SLC39A10: variants seen among roughly 807,000 people sequenced by gnomAD.
The protein encoded by SLC39A10 is solute carrier family 39 member 10.
In SLC39A10, 13 loss-of-function variants were observed where a neutral mutation model predicts 65.1. The observed-to-expected ratio is 0.20, with a 90% CI of 0.13 to 0.32. The LOEUF is 0.32. Ranked by LOEUF, SLC39A10 falls within the 10% of genes least tolerant of loss-of-function variation. The probability of loss-of-function intolerance (pLI) is 1.00; values close to 1 mark genes in which losing one functional copy is unlikely to be tolerated. For missense variants in SLC39A10, 831 were observed against 1,018.4 expected (o/e 0.82, Z 2.50); for synonymous variants, 321 against 342.2 (o/e 0.94, Z 0.68).
intron 8 of SLC39A10, among the ~76,000 whole-genome samples, chr2:195,724,204 A>ATTGGATCTCATTAG (rs1692151541): frequency 6.6e-6 from 1 of 152,174 alleles, no homozygotes; most frequent in Non-Finnish European, 1.5e-5. Flanking sequence ...CATCTGTAGC[A>ATTGGATCTCATTAG]TTGGATCTCA....
intron 2 of SLC39A10, among the ~76,000 whole-genome samples, chr2:195,630,667 G>A (rs1416061658): frequency 6.6e-6 from 1 of 152,188 alleles, no homozygotes; most frequent in Non-Finnish European, 1.5e-5. Context: ...TTATGAACCG[G>A]GAACCATGGA....
At chr2:195,704,828 T>TA (rs1246825777) in intron 3 of SLC39A10, among the ~76,000 whole-genome samples, 2 of 152,006 alleles carry the variant, frequency 1.3e-5, no homozygotes, top group African/African-American at 4.8e-5. Flanking sequence ...GATAGGGTCT[T>TA]ACTTTGTCAC....
intron 1 of SLC39A10, chr2:195,657,637 G>A (rs1574228315): frequency 1.0e-6 from 1 of 985,250 alleles, no homozygotes; most frequent in Non-Finnish European, 1.2e-6. Flanking sequence ...GGCCGCGCCC[G>A]GGGTGGGGGA....
chr2:195,680,144 A>C lies in SLC39A10; in HGVS notation c.102A>C (p.Glu34Asp). 1 of 1,614,160 alleles carries C rather than the reference A, an allele frequency of 6.2e-7. No homozygotes were observed. The highest frequency in any genetic ancestry group is 8.5e-7 in the Non-Finnish European group (1 of 1,180,036). Reference protein sequence around the residue: ...HCHEEHDHGPEALHRQHRGMT... With the variant: ...HCHEEHDHGPDALHRQHRGMT... ...ATGAAGAACATGACCATGGCCCTGA[A>C]GCGCTTCACAGACAGCATCGTGGAA... The change falls in exon 2 of 10, where the codon GAA (glutamate) becomes GAC (aspartate). Residue 34 changes from glutamate to aspartate, a missense_variant. Glu to Asp is a conservative substitution (Grantham distance 45). This residue lies in a region of SLC39A10 where 446 missense variants were observed against 499.2 expected (regional missense o/e 0.89). Coordinates refer to ENST00000359634, the MANE Select transcript of SLC39A10 (RefSeq NM_020342.3).
chr2:195,617,076 C>A (rs988067015), intron 2 of SLC39A10, among the ~76,000 whole-genome samples: 1 of 152,086 alleles, frequency 6.6e-6, no homozygotes, highest in Non-Finnish European at 1.5e-5. Context: ...GACATAGTTA[C>A]AAAGTCCTTT....
chr2:195,729,702 C>T (rs991640113), intron 9 of SLC39A10, among the ~76,000 whole-genome samples: 1 of 152,166 alleles, frequency 6.6e-6, no homozygotes, highest in Non-Finnish European at 1.5e-5. Flanking sequence ...CATATTACTT[C>T]TCCCTTCTTA....
intron 2 of SLC39A10, among the ~76,000 whole-genome samples, chr2:195,615,132 T>C (rs186763277): frequency 3.9e-5 from 6 of 152,302 alleles, no homozygotes; most frequent in African/African-American, 1.4e-4. Context: ...GGGTAGTGAA[T>C]GTTTGTTCCC....
At chr2:195,692,155 G>A (rs972752596) in intron 3 of SLC39A10, among the ~76,000 whole-genome samples, 1 of 151,702 alleles carries the variant, frequency 6.6e-6, no homozygotes, top group Non-Finnish European at 1.5e-5. Context: ...AGATCTGTTG[G>A]CGTATTTGGC....
At chr2:195,618,124 G>C (rs1367084448) in intron 2 of SLC39A10, among the ~76,000 whole-genome samples, 1 of 151,992 alleles carries the variant, frequency 6.6e-6, no homozygotes, top group African/African-American at 2.4e-5. Flanking sequence ...CTGAGGTGGG[G>C]TGGATCACCT....
intron 1 of SLC39A10, chr2:195,658,201 C>A: frequency 6.6e-6 from 1 of 152,604 alleles, no homozygotes; most frequent in Non-Finnish European, 1.5e-5. Context: ...GGGCGGGGGC[C>A]TTGCCAGGGC....
chr2:195,691,355 C>CT (rs1420012067), intron 3 of SLC39A10, among the ~76,000 whole-genome samples: 1 of 152,184 alleles, frequency 6.6e-6, no homozygotes, highest in South Asian at 2.1e-4. Context: ...TGTATAATGA[C>CT]TTTTTTTCCC....
rs796670551 is a variant in SLC39A10 at position 195,657,367 on chromosome 2, TG to T, written c.-12+91del. On this transcript the variant is annotated intron_variant, in intron 1 of 9. Coordinates refer to ENST00000359634, the MANE Select transcript of SLC39A10 (RefSeq NM_020342.3). ...GGAGACTGCGAGTCCCGGGACGGCG[TG>T]GGGGTAGAAAGGGAGAACAGAACCG... 172 of 978,374 alleles carry T rather than the reference TG, an allele frequency of 1.8e-4. No individual in the cohort carries two copies. In the African/African-American group the frequency reaches 2.9e-3, roughly 16 times the overall value. 60.6% of individuals were successfully genotyped at this position (978,374 alleles called of 1,614,324 possible).
At chr2:195,673,871 T>G (rs1332701710) in intron 1 of SLC39A10, among the ~76,000 whole-genome samples, 1 of 152,236 alleles carries the variant, frequency 6.6e-6, no homozygotes, top group African/African-American at 2.4e-5. Context: ...ATTAAATGTT[T>G]TATCATATTG....
At chr2:195,628,832 A>T (rs538598412) in intron 2 of SLC39A10, among the ~76,000 whole-genome samples, 1 of 152,330 alleles carries the variant, frequency 6.6e-6, no homozygotes, top group East Asian at 1.9e-4. Context: ...ATCCAGTCCT[A>T]CAGTTTCAAA....
upstream of SLC39A10, among the ~76,000 whole-genome samples, chr2:195,653,520 C>G (rs1046388856): frequency 6.6e-6 from 1 of 152,178 alleles, no homozygotes; most frequent in South Asian, 2.1e-4. Flanking sequence ...GTCTCGAACT[C>G]CTGACCTCAG....
intron 3 of SLC39A10, among the ~76,000 whole-genome samples, chr2:195,690,149 CTGGGCAACAGAG>C (rs1690673958): frequency 9.0e-6 from 1 of 111,064 alleles, no homozygotes; most frequent in South Asian, 3.2e-4. Flanking sequence ...GCACTCCAGA[CTGGGCAACAGAG>C]TGAGACTCTC....
At chr2:195,686,009 C>T (rs1298981925) in intron 3 of SLC39A10, among the ~76,000 whole-genome samples, 1 of 151,964 alleles carries the variant, frequency 6.6e-6, no homozygotes, top group Non-Finnish European at 1.5e-5. Flanking sequence ...ACTTTTTTAC[C>T]ATGAAGTAAT....
In SLC39A10 at chr2:195,683,181, AC is replaced by A. The variant is rs1357953617; in HGVS notation, c.1009-516del. ...TTTTTTTTTTGTTTGTTTTTAAAGTACCAGTGGATGAAGCTGCCTTTATTTT... is the reference window on the plus strand; with the variant it reads ...TTTTTTTTTTGTTTGTTTTTAAAGTACAGTGGATGAAGCTGCCTTTATTTT... On this transcript the variant is annotated intron_variant, in intron 2 of 9. Transcript: ENST00000359634. Among the ~76,000 whole-genome samples the A allele has an allele frequency of 9.3e-5, 14 of 150,030 alleles. 1 individual carries two copies. The East Asian group carries it at 2.7e-3, about 29-fold the overall frequency.
At chr2:195,649,067 C>T (rs774437616) in intron 2 of SLC39A10, among the ~76,000 whole-genome samples, 14 of 152,106 alleles carry the variant, frequency 9.2e-5, no homozygotes, top group African/African-American at 1.4e-4. Context: ...TCGCTAACCA[C>T]CGGGCACTGC....
Sources: gnomAD v4.1 joint callset for allele counts (sites outside exome capture counted in the v4.1 genomes callset) on GRCh38, gnomAD v4.1.1 for gene constraint, gnomAD v4.1.1 regional missense constraint, MANE v1.5 for transcripts, NCBI Gene and HGNC (gene_info 2026-07-23, HGNC 2026-07-21) for gene names.